The following PHLDB1 variants were observed in gnomAD, a reference collection of about 807,000 sequenced individuals.
The protein encoded by PHLDB1 is pleckstrin homology-like domain family B member 1.
In PHLDB1, 65 loss-of-function variants were observed where a neutral mutation model predicts 139.3. The observed-to-expected ratio is 0.47, with a 90% CI of 0.38 to 0.57. The LOEUF is 0.57. PHLDB1 is among the 20% of genes least tolerant of loss of function. The pLI is 0.00. For synonymous variants in PHLDB1, 679 were observed against 734.5 expected, an observed-to-expected ratio of 0.92 and a Z score of 1.22; for missense variants, 1,624 against 1,839.7, an observed-to-expected ratio of 0.88 and a Z score of 2.14.
At chr11:118,623,675 G>A (rs983683963) in intron 4 of PHLDB1, among the ~76,000 whole-genome samples, 1 of 146,904 alleles carries the variant, frequency 6.8e-6, no homozygotes, top group Admixed American at 6.7e-5. Context: ...GAAAGAGTGG[G>A]AGCAAATTCA....
Position 118,631,452 on chromosome 11 carries a change from CAGCA to C in PHLDB1, c.2074_2077del (p.Ser692AlafsTer22). On this transcript the variant is annotated frameshift_variant, in exon 7 of 23. Transcript: ENST00000600882. LOFTEE classifies it high-confidence loss of function. ...ATGAGGAAAATCTCAAGGAGGAGTG[CAGCA>C]GCACTGAGAGCACCCAGCAGGAGGT... 7.0e-7 allele frequency: 1 copy of C among 1,435,740 alleles called. No homozygotes were observed. Among genetic ancestry groups the C allele is most frequent in the Non-Finnish European group, 9.1e-7 (1 of 1,096,812 alleles). 88.9% of individuals were successfully genotyped at this position (1,435,740 alleles called of 1,614,324 possible). A position where few individuals can be genotyped will look rare whatever the true frequency, so the allele number is the denominator to read the frequency against.
chr11:118,647,951 C>T lies in PHLDB1; in HGVS notation c.3529C>T (p.Arg1177Trp), dbSNP rs148770039. ...ESREREMELRRQALEEERRRR... is the reference protein window; with the variant it reads ...ESREREMELRWQALEEERRRR... ...GCAGGAGCGGGAGATGGAGCTGCGG[C>T]GGCAGGCCCTGGAGGAGGAGCGGCG... The change falls in exon 18 of 23, where the codon CGG becomes TGG. Residue 1177 changes from arginine (R) to tryptophan (W), a missense_variant. Transcript: ENST00000600882. 4.9e-4 allele frequency: 776 copies of T among 1,578,878 alleles called. No homozygotes were observed. Among genetic ancestry groups the T allele is most frequent in the Non-Finnish European group, 5.6e-4 (651 of 1,162,890 alleles).
rs1276939949 is a variant in PHLDB1, at chr11:118,611,746, A to G, written c.-21-2070A>G. Among the ~76,000 whole-genome samples the G allele has an allele frequency of 6.6e-6, 1 of 151,352 alleles. No individual in the cohort carries two copies. The highest frequency in any genetic ancestry group is 1.5e-5 in the Non-Finnish European group (1 of 67,862). Reference sequence around the variant, plus strand: ...GGCAGGAGAATCGCTTGAACCCGGGAGGTGGAGGTTGCGGTAAGCCGAGAT... The same window carrying G: ...GGCAGGAGAATCGCTTGAACCCGGGGGGTGGAGGTTGCGGTAAGCCGAGAT... On this transcript the variant is annotated intron_variant, in intron 1 of 22. Transcript: ENST00000600882. This position sits in a 1 kb window ranked among gnomAD's most constrained non-coding sequence, Gnocchi z 4.7.
At chr11:118,631,120 C>T in intron 6 of PHLDB1, 87 bp from the exon 7 acceptor site, 1 of 1,209,396 alleles carries the variant, frequency 8.3e-7, no homozygotes, top group Non-Finnish European at 1.1e-6. Flanking sequence ...CCCTGCTCTC[C>T]CTCCTGACAG....
chr11:118,639,604 G>T (rs1269408449), intron 12 of PHLDB1: 5 of 331,202 alleles, frequency 1.5e-5, no homozygotes, highest in Non-Finnish European at 2.8e-5. Flanking sequence ...GGATATAGGG[G>T]TGCTGATCCT....
intron 17 of PHLDB1, chr11:118,646,473 C>T (rs1226573260): frequency 2.6e-5 from 4 of 152,376 alleles, no homozygotes; most frequent in African/African-American, 9.7e-5. Flanking sequence ...CCTGTCTACC[C>T]GTATGGCAGG....
chr11:118,650,697 C>T lies in PHLDB1; in HGVS notation c.3874+150C>T. On this transcript the variant is annotated intron_variant, in intron 20 of 22. Coordinates refer to ENST00000600882, the MANE Select transcript of PHLDB1 (RefSeq NM_001144758.3). This position sits in a 1 kb window ranked among gnomAD's most constrained non-coding sequence, Gnocchi z 4.7. ...TGCCCTCCTTCCCTGAAAATGTACA[C>T]AATGTACCTGGTTCACCTCCATTTT... is the stretch of plus-strand genomic sequence containing the variant. The T allele has an allele frequency of 1.6e-6, 1 of 618,964 alleles. No individual in the cohort carries two copies. Among genetic ancestry groups the T allele is most frequent in the Admixed American group, 2.8e-5 (1 of 35,150 alleles). The allele number at this position is 618,964 out of a possible 1,614,324, so 38.3% of individuals were successfully genotyped here.
chr11:118,613,961 C>G, intron 2 of PHLDB1, 65 bp downstream of exon 2: 5 of 1,011,244 alleles, frequency 4.9e-6, no homozygotes, highest in South Asian at 1.4e-5. Flanking sequence ...TCTTCTACCC[C>G]CTTGTGGTCC....
chr11:118,617,973 C>T (rs919739188), intron 4 of PHLDB1, among the ~76,000 whole-genome samples: 2 of 152,152 alleles, frequency 1.3e-5, no homozygotes, highest in Middle Eastern at 3.4e-3. Context: ...TCACATTCAT[C>T]GGTAAGAACA....
rs373130362 is a variant in PHLDB1, at chr11:118,627,750, G to A, written c.927G>A (p.Glu309=). ...CCCGCCCAAGTGGTGCTCGCTCCGA[G>A]AGTCCTCGGCTGAGCAGGAAAGGGG... ...PQSRPSGARS[E]SPRLSRKGGH... Residue 309 remains glutamate (E), a synonymous_variant, in exon 6 of 23, where the codon GAG becomes GAA. Coordinates refer to ENST00000600882, the MANE Select transcript of PHLDB1 (RefSeq NM_001144758.3). 11 of 1,608,330 alleles carry A rather than the reference G, an allele frequency of 6.8e-6. No individual in the cohort carries two copies. The African/African-American group carries it at 1.1e-4, about 16-fold the overall frequency.
In PHLDB1 at chr11:118,629,895, T is replaced by A. The variant is rs1944490448; in HGVS notation, c.1827+1245T>A. The A allele has an allele frequency of 9.8e-6, 6 of 611,426 alleles. No homozygotes were observed. The South Asian group carries it at 1.0e-4, about 11-fold the overall frequency. 37.9% of individuals were successfully genotyped at this position (611,426 alleles called of 1,614,324 possible). A position where few individuals can be genotyped will look rare whatever the true frequency, so the allele number is the denominator to read the frequency against. ...ACACATCTTACCACTAGTCCTGACC[T>A]GCCTCACCTGCCACTTTAAGTCTTG... is the stretch of plus-strand genomic sequence containing the variant. On this transcript the variant is annotated intron_variant, in intron 6 of 22. Transcript: ENST00000600882.
At position 118,620,667 on chromosome 11, in the gene PHLDB1, G is replaced by A. The variant is rs1188434227; in HGVS notation, c.356-4267G>A. On this transcript the variant is annotated intron_variant, in intron 4 of 22. Transcript: ENST00000600882. This position sits in a 1 kb window ranked among gnomAD's most constrained non-coding sequence, Gnocchi z 4.1. The stretch of plus-strand genomic sequence containing the variant: ...TGGCTGGGGTGCGGGCTGGCTCCCA[G>A]GGGCCCAGGAAGTGGGCTGGCCGGA... Among the ~76,000 whole-genome samples, 1 of 152,166 alleles carries A rather than the reference G, an allele frequency of 6.6e-6. No individual in the cohort carries two copies. The highest frequency in any genetic ancestry group is 2.4e-5 in the African/African-American group (1 of 41,438).
chr11:118,656,797 G>A lies in PHLDB1; in HGVS notation c.4108G>A (p.Glu1370Lys). 1 of 1,614,082 alleles carries A rather than the reference G, an allele frequency of 6.2e-7. No individual in the cohort carries two copies. The highest frequency in any genetic ancestry group is 8.5e-7 in the Non-Finnish European group (1 of 1,179,926). ...IWMDVIVTGA[E>K]GYTQFMN ...GATGGATGTCATTGTCACAGGGGCT[G>A]AGGGCTACACTCAGTTCATGAACTA... Residue 1370 changes from glutamate (E) to lysine (K), a missense_variant, in exon 23 of 23, where the codon GAG becomes AAG. By Grantham distance (56) the Glu-to-Lys change is moderately conservative. Transcript: ENST00000600882.
At chr11:118,622,110 C>T (rs894093618) in intron 4 of PHLDB1, among the ~76,000 whole-genome samples, 3 of 152,158 alleles carry the variant, frequency 2.0e-5, no homozygotes, top group East Asian at 1.9e-4. Flanking sequence ...CCAGTTTTTC[C>T]CCTCCAGATG....
At chr11:118,607,302 A>G (rs1591400159), upstream of PHLDB1, among the ~76,000 whole-genome samples, 1 of 32,510 alleles carries the variant, frequency 3.1e-5, no homozygotes, top group Non-Finnish European at 6.1e-5. Flanking sequence ...GAGAGTCGGG[A>G]GGGCAGGGTG....
At chr11:118,615,716 G>A (rs759388652) in intron 3 of PHLDB1, 10 of 292,728 alleles carry the variant, frequency 3.4e-5, no homozygotes, top group South Asian at 1.0e-4. Context: ...GGACAATAGG[G>A]AGAGGCAGTT....
Position 118,642,354 on chromosome 11 carries a change from C to T in PHLDB1, c.2837C>T (p.Ser946Phe). Residue 946 changes from serine (S) to phenylalanine (F), a missense_variant, in exon 13 of 23, where the codon TCT becomes TTT. By Grantham distance (155) the Ser-to-Phe change is radical. Coordinates refer to ENST00000600882, the MANE Select transcript of PHLDB1 (RefSeq NM_001144758.3). ...CCCGCTGCAGCCTCCCCTCACTCTT[C>T]TCCCCCGCCTCTGCCCGCCAAAGCT... ...TGPAAASPHS[S>F]PPPLPAKASR... 3 of 1,610,270 alleles carry T rather than the reference C, an allele frequency of 1.9e-6. No homozygotes were observed. The highest frequency in any genetic ancestry group is 2.5e-6 in the Non-Finnish European group (3 of 1,179,444).
Position 118,632,525 on chromosome 11 carries a change from T to C in PHLDB1, c.2379+229T>C. On this transcript the variant is annotated intron_variant, in intron 9 of 22. Coordinates refer to ENST00000600882, the MANE Select transcript of PHLDB1 (RefSeq NM_001144758.3). The surrounding 1 kb of genome is among the most constrained non-coding windows in gnomAD (Gnocchi z 5.9). Reference sequence around the variant, plus strand: ...GTCTGGGGTCTCCTCTGTCTGGGTCTGTGTGCTACCTCTGGGTGCCTGCCA... The same window carrying C: ...GTCTGGGGTCTCCTCTGTCTGGGTCCGTGTGCTACCTCTGGGTGCCTGCCA... 1.7e-6 allele frequency: 1 copy of C among 581,950 alleles called. No homozygotes were observed. The highest frequency in any genetic ancestry group is 3.0e-6 in the Non-Finnish European group (1 of 329,088). The allele number at this position is 581,950 out of a possible 1,614,324, so 36.0% of individuals were successfully genotyped here. A position where few individuals can be genotyped will look rare whatever the true frequency, so the allele number is the denominator to read the frequency against.
intron 10 of PHLDB1, among the ~76,000 whole-genome samples, chr11:118,635,878 C>T (rs1945560575): frequency 6.6e-6 from 1 of 152,214 alleles, no homozygotes; most frequent in African/African-American, 2.4e-5. Context: ...TGCCCCTGTG[C>T]TTGCAGAGCT....
Sources: gnomAD v4.1 joint callset for allele counts (sites outside exome capture counted in the v4.1 genomes callset) on GRCh38, gnomAD v4.1.1 for gene constraint, Gnocchi (gnomAD v3.1) non-coding constraint, MANE v1.5 for transcripts, NCBI Gene and HGNC (gene_info 2026-07-23, HGNC 2026-07-21) for gene names.